NT5C1B: variants seen among roughly 807,000 people sequenced by gnomAD.
The protein encoded by NT5C1B is cytosolic 5'-nucleotidase 1B.
NT5C1B carries 44 observed loss-of-function variants against 57.8 expected under a neutral mutation model. The ratio of observed to expected loss-of-function variants is 0.76; its 90% CI spans 0.60 to 0.98. The LOEUF is 0.98. NT5C1B is among the 50% of genes least tolerant of loss of function. The pLI is 0.00. For synonymous variants in NT5C1B, 284 were observed against 282.6 expected, an observed-to-expected ratio of 1.00 and a Z score of -0.05; for missense variants, 742 against 719.5, an observed-to-expected ratio of 1.03 and a Z score of -0.36.
intron 6 of NT5C1B, among the ~76,000 whole-genome samples, chr2:18,579,908 A>G (rs1460015295): frequency 6.6e-6 from 1 of 152,252 alleles, no homozygotes; most frequent in Admixed American, 6.5e-5. Context: ...TCAAAAATCC[A>G]GAATTTGTGA....
At chr2:18,566,074 T>C (rs1326634765) in intron 8 of NT5C1B, among the ~76,000 whole-genome samples, 1 of 152,330 alleles carries the variant, frequency 6.6e-6, no homozygotes. Context: ...TCATGGCAAA[T>C]GTTCAGTCAT....
At chr2:18,571,716 GTGTATATATATATATA>G (rs1472769351) in intron 8 of NT5C1B, among the ~76,000 whole-genome samples, 5 of 68,724 alleles carry the variant, frequency 7.3e-5, no homozygotes, top group Non-Finnish European at 1.2e-4. Flanking sequence ...CTCTGTGTGT[GTGTATATATATATATA>G]TATATATATA....
intron 5 of NT5C1B, 70 bp from the exon 6 acceptor site, chr2:18,583,067 A>C: frequency 6.4e-7 from 1 of 1,556,322 alleles, no homozygotes; most frequent in Non-Finnish European, 8.7e-7. Flanking sequence ...CCGGAGAGGA[A>C]GCATCTCATC....
intron 2 of NT5C1B, chr2:18,587,127 A>C: frequency 6.2e-7 from 1 of 1,614,046 alleles, no homozygotes. Context: ...GTGACCCTGG[A>C]AGGGGCAACA....
At chr2:18,585,974 G>A (rs956842504) in intron 3 of NT5C1B, among the ~76,000 whole-genome samples, 10 of 152,016 alleles carry the variant, frequency 6.6e-5, no homozygotes, top group African/African-American at 2.2e-4. Context: ...GTTGAATGAA[G>A]GAAGGAAGGA....
chr2:18,566,400 G>A (rs963578072), intron 8 of NT5C1B, among the ~76,000 whole-genome samples: 1 of 152,102 alleles, frequency 6.6e-6, no homozygotes, highest in African/African-American at 2.4e-5. Context: ...TTTTCTTTAA[G>A]GTTGTATATC....
At chr2:18,582,838 G>A (rs1434561527) in intron 6 of NT5C1B, 30 bp downstream of exon 6, 3 of 1,605,520 alleles carry the variant, frequency 1.9e-6, no homozygotes, top group Non-Finnish European at 1.7e-6. Context: ...GCGGAGAGCT[G>A]GTCTTCCACA....
chr2:18,587,674 G>A, intron 1 of NT5C1B, 82 bp from the exon 2 acceptor site: 2 of 1,468,728 alleles, frequency 1.4e-6, no homozygotes, highest in African/African-American at 2.9e-5. Context: ...AAAGGATAAA[G>A]AAAACACAAA....
At chr2:18,575,977 T>A (rs1279413756) in intron 8 of NT5C1B, among the ~76,000 whole-genome samples, 1 of 152,084 alleles carries the variant, frequency 6.6e-6, no homozygotes, top group Non-Finnish European at 1.5e-5. Flanking sequence ...TAAAATAATG[T>A]GAAAATTAAA....
intron 8 of NT5C1B, among the ~76,000 whole-genome samples, chr2:18,564,853 C>G (rs1321625638): frequency 6.6e-6 from 1 of 151,954 alleles, no homozygotes; most frequent in Non-Finnish European, 1.5e-5. Flanking sequence ...GTGGGTGGTT[C>G]TTCTGACATT....
chr2:18,568,418 T>G (rs1013226652), intron 8 of NT5C1B, among the ~76,000 whole-genome samples: 4 of 151,932 alleles, frequency 2.6e-5, no homozygotes, highest in Non-Finnish European at 5.9e-5. Flanking sequence ...TTGTACGACA[T>G]GAAATGTTAA....
Position 18,584,851 on chromosome 2 carries a change from A to T in NT5C1B, c.386T>A (p.Leu129Gln), listed in dbSNP as rs749806184. 1.2e-6 allele frequency: 2 copies of T among 1,607,796 alleles called. No homozygotes were observed. Among genetic ancestry groups the T allele is most frequent in the Non-Finnish European group, 1.7e-6 (2 of 1,178,140 alleles). ...TGGGGGCGTGGGAGGCCGCGAGTCC[A>T]GCGACCGGGGCAGCTGGGGCGACGC... The change falls in exon 4 of 9, where the codon CTG (leucine) becomes CAG (glutamine). Residue 129 changes from leucine (L) to glutamine (Q), a missense_variant. Coordinates refer to ENST00000304081, the Ensembl canonical transcript of NT5C1B. This position sits in a 1 kb window ranked among gnomAD's most constrained non-coding sequence, Gnocchi z 5.8.
At chr2:18,574,694 C>T in intron 8 of NT5C1B, among the ~76,000 whole-genome samples, 1 of 151,988 alleles carries the variant, frequency 6.6e-6, no homozygotes, top group East Asian at 1.9e-4. Context: ...ATGGATGAGA[C>T]CTGGAAGATC....
chr2:18,587,870 T>C (rs1407403801), intron 1 of NT5C1B, among the ~76,000 whole-genome samples: 1 of 152,172 alleles, frequency 6.6e-6, no homozygotes, highest in African/African-American at 2.4e-5. Context: ...ACTGATAACA[T>C]GGGAAATATT....
chr2:18,563,712 A>G, exon 9 of NT5C1B: 1 of 1,359,926 alleles, frequency 7.4e-7, no homozygotes, highest in Admixed American at 2.9e-5. Flanking sequence ...ATTTTCTGAA[A>G]TACCTATCTA....
intron 8 of NT5C1B, among the ~76,000 whole-genome samples, chr2:18,572,721 C>T (rs1450393988): frequency 6.6e-6 from 1 of 151,974 alleles, no homozygotes. Flanking sequence ...AGAAATGAAG[C>T]CAAAACTACA....
chr2:18,576,235 G>A (rs3902946), exon 8 of NT5C1B: 87 of 1,613,234 alleles, frequency 5.4e-5, no homozygotes, highest in African/African-American at 1.2e-4. Flanking sequence ...AGAATTTGTC[G>A]AGCCCATGCT....
At chr2:18,587,862 T>C (rs1388584240) in intron 1 of NT5C1B, among the ~76,000 whole-genome samples, 1 of 152,206 alleles carries the variant, frequency 6.6e-6, no homozygotes, top group Non-Finnish European at 1.5e-5. Context: ...GTTTAAAGAC[T>C]GATAACATGG....
At chr2:18,572,914 C>T (rs753436362) in intron 8 of NT5C1B, among the ~76,000 whole-genome samples, 6 of 152,178 alleles carry the variant, frequency 3.9e-5, no homozygotes, top group Non-Finnish European at 8.8e-5. Context: ...AAAACATACA[C>T]TATTTATCAC....
Sources: allele counts gnomAD v4.1 joint callset (sites outside exome capture counted in the v4.1 genomes callset), GRCh38; gene constraint gnomAD v4.1.1; non-coding constraint Gnocchi (gnomAD v3.1); transcripts MANE v1.5; gene names NCBI Gene and HGNC (gene_info 2026-07-23, HGNC 2026-07-21).